The following MYO10 variants were observed in gnomAD, a reference collection of about 807,000 sequenced individuals.
The protein encoded by MYO10 is myosin X.
Under a neutral mutation model 257.3 loss-of-function variants are expected in MYO10, and 133 were observed. That is an observed-to-expected ratio of 0.52 (90% CI 0.45 to 0.60). The LOEUF is 0.60. Among genes scored for constraint, MYO10 ranks in the 20% least tolerant of loss-of-function variants. The pLI, the probability that MYO10 is intolerant of heterozygous loss-of-function variation, is 0.00. For missense variants in MYO10, 2,399 were observed against 2,635.7 expected, an observed-to-expected ratio of 0.91 and a Z score of 1.97; for synonymous variants, 1,104 against 1,028.6, an observed-to-expected ratio of 1.07 and a Z score of -1.40.
intron 1 of MYO10, among the ~76,000 whole-genome samples, chr5:16,901,044 C>A (rs1157249161): frequency 1.3e-5 from 2 of 152,050 alleles, no homozygotes; most frequent in Non-Finnish European, 2.9e-5. Flanking sequence ...TGCTTAAAAT[C>A]TTTTTTATTC....
At chr5:16,786,551 T>C (rs1244565581) in intron 4 of MYO10, among the ~76,000 whole-genome samples, 1 of 152,116 alleles carries the variant, frequency 6.6e-6, no homozygotes, top group Admixed American at 6.5e-5. Context: ...ATCTGAAACT[T>C]TTTTTTAGTG....
At chr5:16,672,624 C>A in intron 37 of MYO10, 65 bp downstream of exon 37, 3 of 1,591,432 alleles carry the variant, frequency 1.9e-6, no homozygotes, top group Middle Eastern at 1.7e-4. Flanking sequence ...GAAGCTCAAA[C>A]CCTGAACCCT....
At chr5:16,919,965 T>G (rs1280424815) in intron 1 of MYO10, among the ~76,000 whole-genome samples, 1 of 152,044 alleles carries the variant, frequency 6.6e-6, no homozygotes, top group Admixed American at 6.6e-5. Context: ...ACAAAAATTA[T>G]CTGGACATGG....
chr5:16,699,699 A>G, intron 25 of MYO10, 126 bp from the exon 26 acceptor site: 1 of 1,294,896 alleles, frequency 7.7e-7, no homozygotes, highest in Non-Finnish European at 1.1e-6. Flanking sequence ...AGGCAGCAGA[A>G]TCACTCGAAC....
chr5:16,865,931 CAT>C (rs1744232976), intron 2 of MYO10, among the ~76,000 whole-genome samples: 1 of 151,296 alleles, frequency 6.6e-6, no homozygotes, highest in African/African-American at 2.4e-5. Flanking sequence ...GATAACACGA[CAT>C]TATAAATGTG....
At chr5:16,824,929 G>T (rs1742956499) in intron 2 of MYO10, among the ~76,000 whole-genome samples, 1 of 152,008 alleles carries the variant, frequency 6.6e-6, no homozygotes, top group Admixed American at 6.6e-5. Flanking sequence ...TAAAAACACT[G>T]AACAGAGGTA....
intron 2 of MYO10, among the ~76,000 whole-genome samples, chr5:16,830,679 G>GCACACACACACACACACT (rs148243580): frequency 0.14 from 20,435 of 148,756 alleles, 1,554 homozygotes; most frequent in East Asian, 0.25. Context: ...TTTTTAATAG[G>GCACACACACACACACACT]CACACACACA....
intron 24 of MYO10, 105 bp downstream of exon 24, chr5:16,702,438 C>T: frequency 9.2e-7 from 1 of 1,082,694 alleles, no homozygotes; most frequent in Non-Finnish European, 1.3e-6. Context: ...ATTGTTCTTC[C>T]TGTTATCTTT....
intron 36 of MYO10, among the ~76,000 whole-genome samples, chr5:16,673,271 G>T (rs1736557938): frequency 6.6e-6 from 1 of 151,714 alleles, no homozygotes; most frequent in Admixed American, 6.6e-5. Context: ...TTGGCCAACT[G>T]GTTTTATAAT....
intron 33 of MYO10, 127 bp downstream of exon 33, chr5:16,679,819 CG>C: frequency 1.5e-6 from 2 of 1,294,794 alleles, no homozygotes; most frequent in Non-Finnish European, 2.1e-6. Flanking sequence ...GCCACCGTGC[CG>C]GCCAACCAAG....
In MYO10 at chr5:16,762,998, G is replaced by A. The variant is rs546873055; in HGVS notation, c.1495-361C>T. 1.8e-3 allele frequency among the ~76,000 whole-genome samples: 271 copies of A among 150,570 alleles called. 1 individual carries two copies. The highest frequency in any genetic ancestry group is 5.6e-3 in the African/African-American group (230 of 41,088). On this transcript the variant is annotated intron_variant, in intron 14 of 40. Coordinates refer to ENST00000513610, the MANE Select transcript of MYO10 (RefSeq NM_012334.3). ...AAAAAAAAAAAAAAAAGTTGAATGT[G>A]TGCGTCCCAAACTATTTGAGAGCTC...
At chr5:16,828,470 G>A (rs1743065456) in intron 2 of MYO10, among the ~76,000 whole-genome samples, 1 of 151,900 alleles carries the variant, frequency 6.6e-6, no homozygotes, top group South Asian at 2.1e-4. Context: ...AATAACAAAA[G>A]TTAGCAGGGC....
chr5:16,935,978 T>C lies in MYO10; in HGVS notation c.-170A>G. Reference sequence around the variant, plus strand: ...CCCTTCTTGTCCTTCTCACCTTTTGTTCGCCCAAACCCAAGTCCCTAACTC... The same window carrying C: ...CCCTTCTTGTCCTTCTCACCTTTTGCTCGCCCAAACCCAAGTCCCTAACTC... On this transcript the variant is annotated 5_prime_UTR_variant, in exon 1 of 41. Coordinates refer to ENST00000513610, the MANE Select transcript of MYO10 (RefSeq NM_012334.3). 1 of 775,914 alleles carries C rather than the reference T, an allele frequency of 1.3e-6. No individual in the cohort carries two copies. Among genetic ancestry groups the C allele is most frequent in the Non-Finnish European group, 2.1e-6 (1 of 477,350 alleles). The allele number at this position is 775,914 out of a possible 1,614,324, so 48.1% of individuals were successfully genotyped here.
At chr5:16,667,709 T>C (rs1375693652) in intron 40 of MYO10, among the ~76,000 whole-genome samples, 1 of 152,160 alleles carries the variant, frequency 6.6e-6, no homozygotes, top group African/African-American at 2.4e-5. Context: ...GTGATTCCTC[T>C]CCACTCACCA....
intron 1 of MYO10, among the ~76,000 whole-genome samples, chr5:16,900,179 G>C (rs1441710436): frequency 6.6e-6 from 1 of 152,118 alleles, no homozygotes; most frequent in African/African-American, 2.4e-5. Context: ...AATTGCACAG[G>C]TCGGTTCCTT....
intron 34 of MYO10, 150 bp from the exon 35 acceptor site, chr5:16,675,300 CAG>C (rs767491026): frequency 5.2e-5 from 41 of 781,044 alleles, no homozygotes; most frequent in South Asian, 3.4e-4. Context: ...CAGTTGAACA[CAG>C]ATCTAAAAGC....
At chr5:16,807,596 G>A (rs1209369249) in intron 3 of MYO10, among the ~76,000 whole-genome samples, 1 of 151,816 alleles carries the variant, frequency 6.6e-6, no homozygotes, top group Admixed American at 6.6e-5. Flanking sequence ...GCTCTCGACC[G>A]CCTTGCCAGC....
chr5:16,751,648 ATTT>A (rs770395712), intron 19 of MYO10, among the ~76,000 whole-genome samples: 1 of 140,876 alleles, frequency 7.1e-6, no homozygotes, highest in Admixed American at 7.1e-5. Context: ...AACCTGGCTA[ATTT>A]TTTTTTTTTT....
At chr5:16,815,390 A>C in intron 3 of MYO10, 4 of 690,514 alleles carry the variant, frequency 5.8e-6, no homozygotes, top group Non-Finnish European at 1.0e-5. Flanking sequence ...ACACATCAGC[A>C]TGCAAAATGT....
Sources: gnomAD v4.1 joint callset for allele counts (sites outside exome capture counted in the v4.1 genomes callset) on GRCh38, gnomAD v4.1.1 for gene constraint, MANE v1.5 for transcripts, NCBI Gene and HGNC (gene_info 2026-07-23, HGNC 2026-07-21) for gene names.